The following ARNT2 variants were observed in gnomAD, a reference collection of about 807,000 sequenced individuals.
The protein encoded by ARNT2 is aryl hydrocarbon receptor nuclear translocator 2.
A neutral mutation model predicts 91.7 loss-of-function variants in ARNT2; 36 were observed. The ratio of observed to expected loss-of-function variants is 0.39; its 90% CI spans 0.30 to 0.52. The LOEUF is 0.52. Ranked by LOEUF, ARNT2 falls within the 20% of genes least tolerant of loss-of-function variation. The pLI is 0.72. For missense variants in ARNT2, 775 were observed against 939.3 expected, an observed-to-expected ratio of 0.83 and a Z score of 2.29; for synonymous variants, 365 against 347.1, an observed-to-expected ratio of 1.05 and a Z score of -0.57.
At chr15:80,425,535 T>C (rs1895920528) in intron 1 of ARNT2, among the ~76,000 whole-genome samples, 1 of 152,204 alleles carries the variant, frequency 6.6e-6, no homozygotes, top group Admixed American at 6.5e-5. Context: ...AATGTGTAAA[T>C]ATTACAATCT....
Position 80,591,323 on chromosome 15 carries a change from C to A in ARNT2, c.1919-245C>A, listed in dbSNP as rs1893276258. ...CACCTAGTCACCTGGCAGGTGACCT[C>A]AGGAAGAGCCATCCTCTCTGGCCAA... is the stretch of plus-strand genomic sequence containing the variant. On this transcript the variant is annotated intron_variant, in intron 17 of 18. Coordinates refer to ENST00000303329, the MANE Select transcript of ARNT2 (RefSeq NM_014862.4). The surrounding 1 kb of genome is among the most constrained non-coding windows in gnomAD (Gnocchi z 5.1). 6.6e-6 allele frequency among the ~76,000 whole-genome samples: 1 copy of A among 152,192 alleles called. No individual in the cohort carries two copies. Among genetic ancestry groups the A allele is most frequent in the Non-Finnish European group, 1.5e-5 (1 of 68,038 alleles).
rs1042676630 is a variant in ARNT2, at chr15:80,594,825, C to G, written c.*1127C>G. On this transcript the variant is annotated 3_prime_UTR_variant, in exon 19 of 19. Coordinates refer to ENST00000303329, the MANE Select transcript of ARNT2 (RefSeq NM_014862.4). ...CTTCTCACATGGGCACCATGAAACA[C>G]TTTCTTCCAGGCCACCTGAGCCTTC... 1 of 152,304 alleles carries G rather than the reference C, an allele frequency of 6.6e-6. No homozygotes were observed. The highest frequency in any genetic ancestry group is 2.4e-5 in the African/African-American group (1 of 41,450). 9.4% of individuals were successfully genotyped at this position (152,304 alleles called of 1,614,324 possible). A position where few individuals can be genotyped will look rare whatever the true frequency, so the allele number is the denominator to read the frequency against.
intron 12 of ARNT2, among the ~76,000 whole-genome samples, chr15:80,569,805 G>T (rs532360517): frequency 6.6e-6 from 1 of 152,356 alleles, no homozygotes; most frequent in East Asian, 1.9e-4. Context: ...CTGCACCAAG[G>T]TGTGTGAGTG....
At chr15:80,582,968 G>T (rs554845349) in intron 17 of ARNT2, among the ~76,000 whole-genome samples, 2 of 152,118 alleles carry the variant, frequency 1.3e-5, no homozygotes, top group African/African-American at 4.8e-5. Context: ...TAGACTCAAG[G>T]CCTCCTGGGT....
chr15:80,429,204 T>C (rs1895974450), intron 1 of ARNT2, among the ~76,000 whole-genome samples: 1 of 152,220 alleles, frequency 6.6e-6, no homozygotes. Flanking sequence ...TGAGATGACC[T>C]GTGGCTGGGG....
intron 18 of ARNT2, among the ~76,000 whole-genome samples, chr15:80,592,701 C>A (rs924144917): frequency 6.6e-6 from 1 of 152,222 alleles, no homozygotes; most frequent in Admixed American, 6.5e-5. Context: ...CGCCTGCCTC[C>A]CCTGACTGCA....
At chr15:80,514,433 G>C in intron 8 of ARNT2, 28 bp downstream of exon 8, 1 of 1,602,130 alleles carries the variant, frequency 6.2e-7, no homozygotes, top group Admixed American at 1.7e-5. Flanking sequence ...TAAATTCCAC[G>C]GGAACTGGGT....
At chr15:80,580,306 G>A (rs1336929464) in intron 15 of ARNT2, 105 bp from the exon 16 acceptor site, 11 of 1,404,084 alleles carry the variant, frequency 7.8e-6, no homozygotes, top group Non-Finnish European at 1.1e-5. Context: ...TGCATGGAGA[G>A]AGAGCCAGGA....
intron 8 of ARNT2, among the ~76,000 whole-genome samples, chr15:80,546,424 C>T (rs983694882): frequency 6.6e-6 from 1 of 152,190 alleles, no homozygotes; most frequent in Admixed American, 6.5e-5. Context: ...GGCACATTGC[C>T]GCTCTGAATA....
At chr15:80,453,511 CAT>C (rs1347986555) in intron 2 of ARNT2, among the ~76,000 whole-genome samples, 1 of 152,200 alleles carries the variant, frequency 6.6e-6, no homozygotes, top group East Asian at 1.9e-4. Context: ...GACGTTTTTA[CAT>C]GTTTTGCTGA....
At chr15:80,521,165 G>A (rs1449339857) in intron 8 of ARNT2, among the ~76,000 whole-genome samples, 1 of 152,180 alleles carries the variant, frequency 6.6e-6, no homozygotes, top group African/African-American at 2.4e-5. Flanking sequence ...TGATTCTGAT[G>A]TTACTTCTGT....
Position 80,551,316 on chromosome 15 carries a change from C to T in ARNT2, c.954+41C>T, listed in dbSNP as rs994542973. The stretch of plus-strand genomic sequence containing the variant: ...TAGCCTTTTTAATCTTAAATGAAGG[C>T]TTATTGCCACAAAGTGCAGAAGACT... On this transcript the variant is annotated intron_variant, in intron 9 of 18. Coordinates refer to ENST00000303329, the MANE Select transcript of ARNT2 (RefSeq NM_014862.4). The T allele has an allele frequency of 3.9e-6, 6 of 1,553,764 alleles. 2 individuals carry two copies.
At chr15:80,405,890 AAGAGAGAGAGAGACAGAGAG>A (rs1555453845) in intron 1 of ARNT2, among the ~76,000 whole-genome samples, 2 of 151,376 alleles carry the variant, frequency 1.3e-5, no homozygotes, top group Non-Finnish European at 2.9e-5. Context: ...TAAAATAGAA[AAGAGAGAGAGAGACAGAGAG>A]AGAGAGAGAG....
chr15:80,458,541 C>A (rs1456110939), intron 3 of ARNT2, among the ~76,000 whole-genome samples: 1 of 152,152 alleles, frequency 6.6e-6, no homozygotes, highest in Non-Finnish European at 1.5e-5. Context: ...GCATCTTTAT[C>A]TGGGCTCTGC....
chr15:80,563,168 C>T lies in ARNT2; in HGVS notation c.1245C>T (p.Thr415=). 2 of 1,614,170 alleles carry T rather than the reference C, an allele frequency of 1.2e-6. No homozygotes were observed. Among genetic ancestry groups the T allele is most frequent in the Non-Finnish European group, 1.7e-6 (2 of 1,180,024 alleles). Reference sequence around the variant, plus strand: ...ACCGGGAGTGGATGTTGATCCGCACCAGCAGCTTCACATTCCAGAATCCCT... The same window carrying T: ...ACCGGGAGTGGATGTTGATCCGCACTAGCAGCTTCACATTCCAGAATCCCT... ...TKNREWMLIR[T]SSFTFQNPYS... The change falls in exon 12 of 19, where the codon ACC becomes ACT. Residue 415 remains threonine (T), a synonymous_variant. Coordinates refer to ENST00000303329, the MANE Select transcript of ARNT2 (RefSeq NM_014862.4).
intron 1 of ARNT2, among the ~76,000 whole-genome samples, chr15:80,429,816 G>GA (rs1196673631): frequency 2.0e-5 from 3 of 152,076 alleles, no homozygotes; most frequent in African/African-American, 4.8e-5. Context: ...GTTAGTTTGA[G>GA]AAAAAAGCCC....
chr15:80,440,786 C>T lies in ARNT2; in HGVS notation c.32-10094C>T, dbSNP rs994894113. 2.0e-5 allele frequency among the ~76,000 whole-genome samples: 3 copies of T among 152,234 alleles called. No individual in the cohort carries two copies. The East Asian group carries it at 5.8e-4, about 29-fold the overall frequency. The stretch of plus-strand genomic sequence containing the variant: ...TGCTTTCCCAGGTCCAGTGGCCATC[C>T]TCTTCTCTATTGCAGAGACCTTGGC... On this transcript the variant is annotated intron_variant, in intron 1 of 18. Transcript: ENST00000303329.
chr15:80,555,262 C>T (rs979461917), intron 11 of ARNT2, 123 bp downstream of exon 11: 26 of 940,494 alleles, frequency 2.8e-5, no homozygotes, highest in Non-Finnish European at 4.0e-5. Context: ...TGGCCTCACT[C>T]AGGGCCCCTG....
chr15:80,514,238 T>C, intron 7 of ARNT2, 82 bp from the exon 8 acceptor site: 1 of 1,410,294 alleles, frequency 7.1e-7, no homozygotes, highest in Non-Finnish European at 1.0e-6. Flanking sequence ...GGGAACCCAG[T>C]AGCTTAGATG....
Sources: gnomAD v4.1 joint callset for allele counts (sites outside exome capture counted in the v4.1 genomes callset) on GRCh38, gnomAD v4.1.1 for gene constraint, Gnocchi (gnomAD v3.1) non-coding constraint, MANE v1.5 for transcripts, NCBI Gene and HGNC (gene_info 2026-07-23, HGNC 2026-07-21) for gene names.